Variants in ASCC3 observed in about 807,000 individuals in gnomAD.
ASCC3 encodes ASC-1 complex subunit P200.
Under a neutral mutation model 256.3 loss-of-function variants are expected in ASCC3, and 158 were observed. The ratio of observed to expected loss-of-function variants is 0.62; its 90% CI spans 0.54 to 0.70. ASCC3 has a LOEUF of 0.70. Among genes scored for constraint, ASCC3 ranks in the 30% least tolerant of loss-of-function variants. ASCC3 has a pLI of 0.00. For synonymous variants in ASCC3, 948 were observed against 883.4 expected (o/e 1.07, Z -1.30); for missense variants, 2,259 against 2,626.0 (o/e 0.86, Z 3.05).
At chr6:100,552,752 T>C (rs1582435782) in intron 36 of ASCC3, among the ~76,000 whole-genome samples, 1 of 151,778 alleles carries the variant, frequency 6.6e-6, no homozygotes, top group African/African-American at 2.4e-5. Context: ...AAAAAAAAAG[T>C]ATTATGGAGT....
chr6:100,876,410 T>A (rs1309858425), intron 1 of ASCC3, among the ~76,000 whole-genome samples: 1 of 152,110 alleles, frequency 6.6e-6, no homozygotes, highest in African/African-American at 2.4e-5. Context: ...TGCAAACAAT[T>A]TAAGGTGGCA....
intron 4 of ASCC3, among the ~76,000 whole-genome samples, chr6:100,841,399 A>G (rs1772138554): frequency 6.6e-6 from 1 of 152,202 alleles, no homozygotes; most frequent in South Asian, 2.1e-4. Flanking sequence ...TGAAAAAAGA[A>G]AAGATAAAAG....
chr6:100,706,161 A>C (rs1778572052), intron 13 of ASCC3, among the ~76,000 whole-genome samples: 1 of 148,878 alleles, frequency 6.7e-6, no homozygotes, highest in African/African-American at 2.5e-5. Flanking sequence ...ATAAAATTGA[A>C]GAGTTTATTG....
Position 100,679,491 on chromosome 6 carries a change from A to C in ASCC3, c.2286+127T>G, listed in dbSNP as rs558443246. ...GATCATTAAGTCAAGAAAAAAGTCA[A>C]GATTATAACATCATAAATCTGCAAA... On this transcript the variant is annotated intron_variant, in intron 14 of 41. Transcript: ENST00000369162. 3.7e-6 allele frequency: 5 copies of C among 1,344,830 alleles called. No homozygotes were observed. In the East Asian group the frequency reaches 1.2e-4, roughly 31 times the overall value. 83.3% of individuals were successfully genotyped at this position (1,344,830 alleles called of 1,614,324 possible).
In ASCC3 at chr6:100,638,751, G is replaced by A; in HGVS notation, c.3972C>T (p.Phe1324=). The part of the protein sequence containing the change: ...GCKAYEALYN[F]SHFNPVQTQI... ...GTGTCTGTACAGGGTTAAAGTGGCT[G>A]AAGTTGTACAGGGCTTCATATGCTT... is the stretch of plus-strand genomic sequence containing the variant. Residue 1324 remains phenylalanine, a synonymous_variant, in exon 25 of 42, where the codon TTC becomes TTT. Coordinates refer to ENST00000369162, the MANE Select transcript of ASCC3 (RefSeq NM_006828.4). 4 of 1,614,114 alleles carry A rather than the reference G, an allele frequency of 2.5e-6. No homozygotes were observed. Among genetic ancestry groups the A allele is most frequent in the Non-Finnish European group, 3.4e-6 (4 of 1,179,992 alleles).
chr6:100,678,210 G>C (rs982689216), intron 14 of ASCC3, among the ~76,000 whole-genome samples: 1 of 152,044 alleles, frequency 6.6e-6, no homozygotes, highest in Non-Finnish European at 1.5e-5. Flanking sequence ...GAATTGAGAT[G>C]GATAAAGAAA....
At chr6:100,540,427 A>AC in intron 36 of ASCC3, 40 bp from the exon 37 acceptor site, 2 of 1,484,616 alleles carry the variant, frequency 1.3e-6, no homozygotes, top group South Asian at 2.3e-5. Flanking sequence ...GGATCAAAGT[A>AC]TAATAATTAA....
chr6:100,721,217 T>C (rs1441772442), intron 11 of ASCC3, among the ~76,000 whole-genome samples: 1 of 151,668 alleles, frequency 6.6e-6, no homozygotes, highest in Non-Finnish European at 1.5e-5. Flanking sequence ...GATAGACCTC[T>C]TGGAAAATAT....
At chr6:100,867,626 A>C (rs1157097322) in intron 2 of ASCC3, among the ~76,000 whole-genome samples, 1 of 152,196 alleles carries the variant, frequency 6.6e-6, no homozygotes, top group Admixed American at 6.5e-5. Flanking sequence ...TTACAGGATT[A>C]AGTTACAAAC....
intron 4 of ASCC3, among the ~76,000 whole-genome samples, chr6:100,812,442 G>C (rs551590256): frequency 6.6e-6 from 1 of 151,618 alleles, no homozygotes; most frequent in African/African-American, 2.4e-5. Context: ...ATTAAACAAT[G>C]ACCAAAGAAA....
At chr6:100,821,940 G>A (rs892061027) in intron 4 of ASCC3, among the ~76,000 whole-genome samples, 9 of 152,158 alleles carry the variant, frequency 5.9e-5, no homozygotes, top group Admixed American at 3.3e-4. Context: ...GATTCCATTT[G>A]TACAAAGTGT....
At chr6:100,802,901 G>A (rs533523543) in intron 5 of ASCC3, among the ~76,000 whole-genome samples, 44 of 151,928 alleles carry the variant, frequency 2.9e-4, no homozygotes, top group African/African-American at 6.8e-4. Flanking sequence ...CCATCTACTC[G>A]GGAGGCTGAG....
intron 39 of ASCC3, among the ~76,000 whole-genome samples, chr6:100,514,199 GTAGTCAAGCCACAGA>G (rs1773910343): frequency 6.6e-6 from 1 of 152,050 alleles, no homozygotes. Context: ...GGATTTTGAA[GTAGTCAAGCCACAGA>G]TGGTACTTCA....
In ASCC3 at chr6:100,508,675, C is replaced by T. The variant is rs940248843; in HGVS notation, c.*711G>A. The T allele has an allele frequency of 2.0e-5, 3 of 152,062 alleles. No individual in the cohort carries two copies. The highest frequency in any genetic ancestry group is 7.2e-5 in the African/African-American group (3 of 41,426). 9.4% of individuals were successfully genotyped at this position (152,062 alleles called of 1,614,324 possible). On this transcript the variant is annotated 3_prime_UTR_variant, in exon 42 of 42. Transcript: ENST00000369162. The stretch of plus-strand genomic sequence containing the variant: ...AAGTAGAAGGGAAAGAAAAGAAGAA[C>T]AGATGAGTAAGGGGATATTATTTAA...
rs894889246 is a variant in ASCC3, at chr6:100,510,434, C to T, written c.6286-327G>A. 11 of 264,982 alleles carry T rather than the reference C, an allele frequency of 4.2e-5. No individual in the cohort carries two copies. In the Admixed American group the frequency reaches 4.9e-4, roughly 12 times the overall value. The allele number at this position is 264,982 out of a possible 1,614,324, so 16.4% of individuals were successfully genotyped here. On this transcript the variant is annotated intron_variant, in intron 40 of 41. Transcript: ENST00000369162. ...GCTATTCCTACAATTAACTTTAATA[C>T]CACATTGGTAGATGAACAAATTGAG...
intron 36 of ASCC3, among the ~76,000 whole-genome samples, chr6:100,570,593 C>T (rs1770536401): frequency 6.6e-6 from 1 of 152,044 alleles, no homozygotes; most frequent in African/African-American, 2.4e-5. Flanking sequence ...TCCTTCTCTC[C>T]CCAATGTCTA....
At chr6:100,561,458 TA>T (rs984651178) in intron 36 of ASCC3, among the ~76,000 whole-genome samples, 8 of 151,260 alleles carry the variant, frequency 5.3e-5, no homozygotes, top group Admixed American at 4.0e-4. Context: ...CCATGATTTA[TA>T]AAAAAAAACA....
intron 37 of ASCC3, among the ~76,000 whole-genome samples, chr6:100,527,689 C>A (rs978491951): frequency 1.3e-5 from 2 of 152,048 alleles, no homozygotes; most frequent in Non-Finnish European, 2.9e-5. Flanking sequence ...AATATAGAAC[C>A]AGCTTACAGT....
chr6:100,776,509 C>T (rs1218683843), intron 8 of ASCC3, among the ~76,000 whole-genome samples: 1 of 152,000 alleles, frequency 6.6e-6, no homozygotes, highest in African/African-American at 2.4e-5. Flanking sequence ...ACTGATCTTA[C>T]ATATGCTTAT....
Sources: gnomAD v4.1 joint callset for allele counts (sites outside exome capture counted in the v4.1 genomes callset) on GRCh38, gnomAD v4.1.1 for gene constraint, MANE v1.5 for transcripts, NCBI Gene and HGNC (gene_info 2026-07-23, HGNC 2026-07-21) for gene names.